MYSM1: variants seen among roughly 807,000 people sequenced by gnomAD.
The protein encoded by MYSM1 is deubiquitinase MYSM1.
A neutral mutation model predicts 116.0 loss-of-function variants in MYSM1; 51 were observed. The ratio of observed to expected loss-of-function variants is 0.44; its 90% CI spans 0.35 to 0.56. MYSM1 has a LOEUF of 0.56. MYSM1 is among the 20% of genes least tolerant of loss of function. The pLI, the probability that MYSM1 is intolerant of heterozygous loss-of-function variation, is 0.00. For synonymous variants in MYSM1, 313 were observed against 315.2 expected (o/e 0.99, Z 0.07); for missense variants, 900 against 974.9 (o/e 0.92, Z 1.02).
Position 58,685,215 on chromosome 1 carries a change from G to A in MYSM1, c.436C>T (p.Leu146=), listed in dbSNP as rs374302362. 1.1e-4 allele frequency: 174 copies of A among 1,606,560 alleles called. No individual in the cohort carries two copies. The highest frequency in any genetic ancestry group is 1.5e-4 in the Non-Finnish European group (171 of 1,177,846). The change falls in exon 7 of 20, where the codon CTA becomes TTA. Residue 146 remains leucine, a synonymous_variant. Transcript: ENST00000472487. ...TGTAAAACAGTGCGGCTTCCAATTAGCTTTGAAATTTTGGTCCATCTTCGG... is the reference window on the plus strand; with the variant it reads ...TGTAAAACAGTGCGGCTTCCAATTAACTTTGAAATTTTGGTCCATCTTCGG... The part of the protein sequence containing the change: ...FGRRWTKISK[L]IGSRTVLQVK...
intron 1 of MYSM1, among the ~76,000 whole-genome samples, chr1:58,697,929 A>G (rs917397886): frequency 4.1e-4 from 62 of 150,762 alleles, no homozygotes; most frequent in Non-Finnish European, 1.3e-4. Flanking sequence ...TTTGACATCT[A>G]GCACTTACCA....
chr1:58,698,102 A>T (rs201436366), intron 1 of MYSM1, among the ~76,000 whole-genome samples: 344 of 7,752 alleles, frequency 0.044, 31 homozygotes, highest in African/African-American at 0.06. Context: ...ATATATATAT[A>T]TTTTTTTTTT....
chr1:58,679,392 T>C (rs1363107208), intron 8 of MYSM1, among the ~76,000 whole-genome samples: 1 of 152,220 alleles, frequency 6.6e-6, no homozygotes, highest in African/African-American at 2.4e-5. Flanking sequence ...ATCTGCCTCA[T>C]TTGGAATTCA....
chr1:58,679,566 C>T (rs1174917556), intron 8 of MYSM1, among the ~76,000 whole-genome samples: 1 of 152,150 alleles, frequency 6.6e-6, no homozygotes, highest in Non-Finnish European at 1.5e-5. Context: ...TCAAGTGATT[C>T]TCCTGCTTCA....
At position 58,655,037 on chromosome 1, in the gene MYSM1, T is replaced by C. The variant is rs1256730297; in HGVS notation, c.*4960A>G. Reference sequence around the variant, plus strand: ...ATTTTTAAAAGTCCACAAACACTGATAGCATTTGGAAAAAAATAGCAACAA... The same window carrying C: ...ATTTTTAAAAGTCCACAAACACTGACAGCATTTGGAAAAAAATAGCAACAA... On this transcript the variant is annotated 3_prime_UTR_variant, in exon 20 of 20. Coordinates refer to ENST00000472487, the MANE Select transcript of MYSM1 (RefSeq NM_001085487.3). The C allele has an allele frequency of 6.6e-6, 1 of 152,164 alleles. No individual in the cohort carries two copies. The highest frequency in any genetic ancestry group is 1.5e-5 in the Non-Finnish European group (1 of 67,994). The allele number at this position is 152,164 out of a possible 1,614,324, so 9.4% of individuals were successfully genotyped here. A position where few individuals can be genotyped will look rare whatever the true frequency, so the allele number is the denominator to read the frequency against.
Position 58,658,652 on chromosome 1 carries a change from T to C in MYSM1, c.*1345A>G, listed in dbSNP as rs532470022. 5 of 152,274 alleles carry C rather than the reference T, an allele frequency of 3.3e-5. No individual in the cohort carries two copies. Among genetic ancestry groups the C allele is most frequent in the South Asian group, 2.1e-4 (1 of 4,824 alleles). 9.4% of individuals were successfully genotyped at this position (152,274 alleles called of 1,614,324 possible). A position where few individuals can be genotyped will look rare whatever the true frequency, so the allele number is the denominator to read the frequency against. ...ATCTGATTTAGATATAAGGAAACGT[T>C]AGTAAGAATGTTTGGTGAATAGCTA... On this transcript the variant is annotated 3_prime_UTR_variant, in exon 20 of 20. Transcript: ENST00000472487.
chr1:58,672,954 C>G (rs569229269), intron 11 of MYSM1, among the ~76,000 whole-genome samples: 1 of 152,292 alleles, frequency 6.6e-6, no homozygotes, highest in South Asian at 2.1e-4. Context: ...GGAAAGAGAA[C>G]TCAAGTTTGA....
chr1:58,688,648 AG>A (rs58894547), intron 6 of MYSM1, among the ~76,000 whole-genome samples: 1 of 152,120 alleles, frequency 6.6e-6, no homozygotes, highest in African/African-American at 2.4e-5. Flanking sequence ...ATAAAAACTC[AG>A]CTGATCACCC....
chr1:58,694,036 T>G (rs1225201540), intron 2 of MYSM1, among the ~76,000 whole-genome samples: 1 of 152,170 alleles, frequency 6.6e-6, no homozygotes, highest in Admixed American at 6.5e-5. Flanking sequence ...GCCTATAATT[T>G]TATTTTAACT....
Position 58,689,093 on chromosome 1 carries a change from G to A in MYSM1, c.344C>T (p.Ala115Val), listed in dbSNP as rs1280645189. 6.2e-7 allele frequency: 1 copy of A among 1,611,148 alleles called. No homozygotes were observed. The highest frequency in any genetic ancestry group is 2.2e-5 in the East Asian group (1 of 44,768). The change falls in exon 6 of 20, where the codon GCC (alanine) becomes GTC (valine). Residue 115 changes from alanine to valine, a missense_variant. This residue lies in a region of MYSM1 where 622 missense variants were observed against 623.7 expected (regional missense o/e 1.00). Transcript: ENST00000472487. ...TATCGTCCACTTTACTGAGTAACTG[G>A]CTGGTTTTGTAGGAGAGTGTACCCT... ...KIMVHSPTKP[A>V]SYSVKWTIEE...
intron 6 of MYSM1, among the ~76,000 whole-genome samples, chr1:58,688,833 T>C (rs1366806921): frequency 6.6e-6 from 1 of 152,176 alleles, no homozygotes; most frequent in African/African-American, 2.4e-5. Context: ...TCTATTTTAG[T>C]ATTTTAGTAC....
At chr1:58,685,306 G>T in intron 6 of MYSM1, 55 bp from the exon 7 acceptor site, 2 of 1,180,942 alleles carry the variant, frequency 1.7e-6, no homozygotes, top group Non-Finnish European at 2.4e-6. Context: ...CTTAAGAATA[G>T]TCCAAGCCAC....
intron 9 of MYSM1, 56 bp from the exon 10 acceptor site, chr1:58,675,636 A>C (rs964215286): frequency 2.2e-6 from 3 of 1,352,210 alleles, no homozygotes; most frequent in Admixed American, 1.9e-5. Flanking sequence ...CTCATTTGTT[A>C]AACAGTAAGA....
At position 58,675,088 on chromosome 1, in the gene MYSM1, G is replaced by T. The variant is rs534580750; in HGVS notation, c.1494+389C>A. On this transcript the variant is annotated intron_variant, in intron 10 of 19. Transcript: ENST00000472487. ...AACTGACTCCAAGAATAAAAAAAAA[G>T]TCTAGTTATTCCAAAAAGGTGATTC... Among the ~76,000 whole-genome samples, 3 of 150,496 alleles carry T rather than the reference G, an allele frequency of 2.0e-5. No homozygotes were observed. In the East Asian group the frequency reaches 5.8e-4, roughly 29 times the overall value.
At chr1:58,698,102 A>ATATATATATATATATATAT in intron 1 of MYSM1, among the ~76,000 whole-genome samples, 1 of 7,776 alleles carries the variant, frequency 1.3e-4, no homozygotes, top group African/African-American at 2.6e-4. Context: ...ATATATATAT[A>ATATATATATATATATATAT]TTTTTTTTTT....
chr1:58,686,400 T>C (rs1356809782), intron 6 of MYSM1, among the ~76,000 whole-genome samples: 1 of 152,206 alleles, frequency 6.6e-6, no homozygotes, highest in Non-Finnish European at 1.5e-5. Flanking sequence ...AATAATTCTA[T>C]ATTTTTAGAA....
intron 7 of MYSM1, among the ~76,000 whole-genome samples, chr1:58,684,137 T>C (rs1569777396): frequency 6.6e-6 from 1 of 152,150 alleles, no homozygotes; most frequent in Non-Finnish European, 1.5e-5. Context: ...TTACCACCTA[T>C]GTCTAGACAA....
At chr1:58,666,881 A>AAAT in intron 16 of MYSM1, among the ~76,000 whole-genome samples, 157 bp downstream of exon 16, 1 of 150,716 alleles carries the variant, frequency 6.6e-6, no homozygotes, top group Non-Finnish European at 1.5e-5. Flanking sequence ...TCTCAAAAAA[A>AAAT]AAATAATAAT....
chr1:58,685,785 C>A (rs887360990), intron 6 of MYSM1, among the ~76,000 whole-genome samples: 3 of 152,146 alleles, frequency 2.0e-5, no homozygotes, highest in African/African-American at 7.2e-5. Flanking sequence ...ATGAGGAAGT[C>A]CTGCAACAAA....
Sources: allele counts gnomAD v4.1 joint callset (sites outside exome capture counted in the v4.1 genomes callset), GRCh38; gene constraint gnomAD v4.1.1; regional missense constraint gnomAD v4.1.1; transcripts MANE v1.5; gene names NCBI Gene and HGNC (gene_info 2026-07-23, HGNC 2026-07-21).